The following AKAP9 variants were observed in gnomAD, a reference collection of about 807,000 sequenced individuals.
The protein encoded by AKAP9 is A-kinase anchoring protein 9.
In AKAP9, 311 loss-of-function variants were observed where a neutral mutation model predicts 488.5. The observed-to-expected ratio is 0.64, with a 90% CI of 0.58 to 0.70. AKAP9 has a LOEUF of 0.70. Among genes scored for constraint, AKAP9 ranks in the 30% least tolerant of loss-of-function variants. The pLI is 0.00. For synonymous variants in AKAP9, 1,462 were observed against 1,483.5 expected, an observed-to-expected ratio of 0.99 and a Z score of 0.33; for missense variants, 4,215 against 4,374.5, an observed-to-expected ratio of 0.96 and a Z score of 1.03.
intron 33 of AKAP9, 168 bp downstream of exon 33, chr7:92,083,823 A>G: frequency 1.5e-6 from 1 of 654,954 alleles, no homozygotes; most frequent in Non-Finnish European, 2.5e-6. Flanking sequence ...CTAGTACAAT[A>G]TTCCTTTTTT....
chr7:91,974,165 A>G (rs1367798427), intron 2 of AKAP9, among the ~76,000 whole-genome samples, 197 bp downstream of exon 2: 3 of 152,178 alleles, frequency 2.0e-5, no homozygotes, highest in East Asian at 1.9e-4. Context: ...AATTTAATAT[A>G]TGTTGAACAA....
At chr7:92,012,915 A>T (rs1261239907) in intron 9 of AKAP9, among the ~76,000 whole-genome samples, 3 of 150,788 alleles carry the variant, frequency 2.0e-5, no homozygotes, top group Non-Finnish European at 4.4e-5. Flanking sequence ...AAGGAGAAAC[A>T]TCTAGTACTT....
chr7:92,064,349 T>G (rs1314373228), intron 24 of AKAP9, among the ~76,000 whole-genome samples: 1 of 152,102 alleles, frequency 6.6e-6, no homozygotes, highest in East Asian at 1.9e-4. Flanking sequence ...TCTTTCCATT[T>G]TCTTCATTAG....
chr7:92,020,276 A>T (rs919734837), intron 12 of AKAP9, among the ~76,000 whole-genome samples: 6 of 152,142 alleles, frequency 3.9e-5, no homozygotes, highest in Non-Finnish European at 8.8e-5. Context: ...TTAGTTTCCC[A>T]AATGCACCCT....
At chr7:92,068,183 A>G (rs1811062786) in intron 26 of AKAP9, among the ~76,000 whole-genome samples, 1 of 150,706 alleles carries the variant, frequency 6.6e-6, no homozygotes. Context: ...ACACAGTGAA[A>G]CCCCATCTCT....
At chr7:92,077,376 C>T (rs1812787893) in intron 29 of AKAP9, among the ~76,000 whole-genome samples, 1 of 152,044 alleles carries the variant, frequency 6.6e-6, no homozygotes, top group Admixed American at 6.6e-5. Flanking sequence ...CAGGCGTGAG[C>T]CACCACACCT....
intron 8 of AKAP9, among the ~76,000 whole-genome samples, chr7:92,006,039 C>G (rs1479802597): frequency 3.3e-5 from 5 of 152,170 alleles, no homozygotes; most frequent in Admixed American, 6.5e-5. Flanking sequence ...ATGGCAGTTA[C>G]TTGTGAAAAT....
chr7:92,001,400 A>G lies in AKAP9; in HGVS notation c.1483A>G (p.Ile495Val), dbSNP rs557411136. ...EDQIKLMNVA[I>V]NELNIKLQDT... ...TCAGATAAAGTTAATGAATGTGGCA[A>G]TAAATGAACTGAATATAAAATTGCA... The change falls in exon 8 of 50, where the codon ATA becomes GTA. Residue 495 changes from isoleucine to valine, a missense_variant. By Grantham distance (29) the Ile-to-Val change is conservative. Around this residue, in one of 5 missense-constraint regions of AKAP9, gnomAD observed 2,361 missense variants for 2,430.0 expected, o/e 0.97. Coordinates refer to ENST00000356239, the MANE Select transcript of AKAP9 (RefSeq NM_005751.5). 4.3e-6 allele frequency: 7 copies of G among 1,613,882 alleles called. No individual in the cohort carries two copies. The African/African-American group carries it at 5.3e-5, about 12-fold the overall frequency.
intron 45 of AKAP9, among the ~76,000 whole-genome samples, chr7:92,101,869 G>A (rs910667925): frequency 2.0e-5 from 3 of 152,134 alleles, no homozygotes; most frequent in Non-Finnish European, 4.4e-5. Context: ...TAAAAAGTTA[G>A]ATTAGGCCAG....
At chr7:92,074,965 T>C (rs1373169553) in intron 28 of AKAP9, among the ~76,000 whole-genome samples, 1 of 152,116 alleles carries the variant, frequency 6.6e-6, no homozygotes. Context: ...ACCTGTGTAA[T>C]AAACCTATGC....
At chr7:91,980,725 T>G (rs937591996) in intron 3 of AKAP9, among the ~76,000 whole-genome samples, 2 of 152,024 alleles carry the variant, frequency 1.3e-5, no homozygotes, top group Admixed American at 1.3e-4. Context: ...TGAATTCTAG[T>G]TAATCATATG....
Position 92,079,189 on chromosome 7 carries a change from C to T in AKAP9, c.7056C>T (p.Leu2352=). The change falls in exon 31 of 50, where the codon CTC becomes CTT. Residue 2352 remains leucine, a synonymous_variant. Coordinates refer to ENST00000356239, the MANE Select transcript of AKAP9 (RefSeq NM_005751.5). ...ATAGAGAAGAAGAAATAGAGCAGCT[C>T]AATGAAGTGATTGAAAAACTTCAAC... ...KRNREEEIEQ[L]NEVIEKLQQE... is the part of the protein sequence containing the mutation. 1.2e-6 allele frequency: 2 copies of T among 1,613,852 alleles called. No individual in the cohort carries two copies. The highest frequency in any genetic ancestry group is 1.7e-6 in the Non-Finnish European group (2 of 1,179,954).
chr7:92,051,537 A>G (rs552646723), intron 21 of AKAP9, among the ~76,000 whole-genome samples: 6 of 152,310 alleles, frequency 3.9e-5, no homozygotes, highest in Non-Finnish European at 8.8e-5. Context: ...TTAAAATGCA[A>G]TTTTGGGCTC....
chr7:92,026,532 G>A (rs1490272212), intron 14 of AKAP9, among the ~76,000 whole-genome samples: 1 of 152,116 alleles, frequency 6.6e-6, no homozygotes, highest in East Asian at 1.9e-4. Flanking sequence ...ATGGGGTTTC[G>A]CCATGTTGGC....
Position 91,950,227 on chromosome 7 carries a change from C to CTT in AKAP9, c.48+9099_48+9100dup, listed in dbSNP as rs1363169233. On this transcript the variant is annotated intron_variant, in intron 1 of 49. Transcript: ENST00000356239. ...CTGTATTTATTCCTCCAGGGTCTCACTTTTTTTTTTTTTTTTTTTTGAGAC... is the reference window on the plus strand; with the variant it reads ...CTGTATTTATTCCTCCAGGGTCTCACTTTTTTTTTTTTTTTTTTTTTTGAGAC... 4.6e-4 allele frequency among the ~76,000 whole-genome samples: 61 copies of CTT among 133,370 alleles called. 1 individual carries two copies. The highest frequency in any genetic ancestry group is 7.4e-4 in the African/African-American group (27 of 36,370). The allele number at this position is 133,370 out of a possible 152,430, so 87.5% of individuals were successfully genotyped here.
At chr7:92,093,371 C>T in intron 39 of AKAP9, 55 bp downstream of exon 39, 1 of 1,456,630 alleles carries the variant, frequency 6.9e-7, no homozygotes, top group South Asian at 1.2e-5. Flanking sequence ...GTAATTTTGT[C>T]ATAAACACTG....
At chr7:92,010,357 G>A (rs990718526) in intron 8 of AKAP9, among the ~76,000 whole-genome samples, 11 of 152,210 alleles carry the variant, frequency 7.2e-5, no homozygotes, top group African/African-American at 2.7e-4. Context: ...TCTCTGGGGA[G>A]GGTGACCAGA....
chr7:92,095,140 A>G lies in AKAP9; in HGVS notation c.9696A>G (p.Gly3232=). The part of the protein sequence containing the change: ...WALEKEKAKL[G]RSEERDKEEL... ...TGGAGAAAGAGAAAGCCAAGTTGGG[A>G]CGCAGTGAAGAACGGGATAAAGAAG... Residue 3232 remains glycine (G), a synonymous_variant, in exon 40 of 50, where the codon GGA becomes GGG. Coordinates refer to ENST00000356239, the MANE Select transcript of AKAP9 (RefSeq NM_005751.5). 1 of 1,614,210 alleles carries G rather than the reference A, an allele frequency of 6.2e-7. No homozygotes were observed. Among genetic ancestry groups the G allele is most frequent in the Non-Finnish European group, 8.5e-7 (1 of 1,180,018 alleles).
chr7:91,993,943 A>G (rs1223201527), intron 5 of AKAP9, among the ~76,000 whole-genome samples: 1 of 152,176 alleles, frequency 6.6e-6, no homozygotes. Context: ...GGCAGGGTGA[A>G]AATAGCAAGA....
Sources: allele counts gnomAD v4.1 joint callset (sites outside exome capture counted in the v4.1 genomes callset), GRCh38; gene constraint gnomAD v4.1.1; regional missense constraint gnomAD v4.1.1; transcripts MANE v1.5; gene names NCBI Gene and HGNC (gene_info 2026-07-23, HGNC 2026-07-21).